Variants in ITGB3BP observed in about 807,000 individuals in gnomAD.
ITGB3BP encodes the protein integrin subunit beta 3 binding protein, also known as centromere protein R.
Under a neutral mutation model 29.1 loss-of-function variants are expected in ITGB3BP, and 27 were observed. The observed-to-expected ratio is 0.93, with a 90% CI of 0.68 to 1.28. The LOEUF (loss-of-function observed/expected upper bound fraction) is 1.28. ITGB3BP is among the 50% of genes most tolerant of loss of function. ITGB3BP has a pLI of 0.00. For missense variants in ITGB3BP, 192 were observed against 200.2 expected (o/e 0.96, Z 0.25); for synonymous variants, 61 against 61.4 (o/e 0.99, Z 0.03).
intron 4 of ITGB3BP, among the ~76,000 whole-genome samples, chr1:63,455,840 T>G (rs1034931342): frequency 6.6e-6 from 1 of 152,078 alleles, no homozygotes; most frequent in Non-Finnish European, 1.5e-5. Context: ...AAATTTTTAG[T>G]AGCCACACTA....
intron 8 of ITGB3BP, among the ~76,000 whole-genome samples, chr1:63,444,456 A>AAG (rs1485721678): frequency 1.2e-3 from 12 of 10,362 alleles, no homozygotes; most frequent in African/African-American, 7.8e-3. Context: ...CTATATATAT[A>AAG]TTACATATAG....
intron 4 of ITGB3BP, among the ~76,000 whole-genome samples, chr1:63,472,745 G>A (rs1326516221): frequency 1.3e-5 from 2 of 151,350 alleles, no homozygotes; most frequent in East Asian, 2.0e-4. Flanking sequence ...CCGAGGCGCC[G>A]GGATTGCAGA....
intron 8 of ITGB3BP, among the ~76,000 whole-genome samples, chr1:63,445,852 A>G (rs1644784814): frequency 6.6e-6 from 1 of 152,084 alleles, no homozygotes; most frequent in Non-Finnish European, 1.5e-5. Flanking sequence ...GGCCTCTCAC[A>G]GTGCTGGGAT....
chr1:63,464,459 G>A (rs1645068041), intron 4 of ITGB3BP, among the ~76,000 whole-genome samples: 1 of 152,108 alleles, frequency 6.6e-6, no homozygotes. Flanking sequence ...ATATGGAAAA[G>A]GGGAAGTCAA....
intron 3 of ITGB3BP, among the ~76,000 whole-genome samples, chr1:63,483,072 T>C (rs552269458): frequency 6.2e-4 from 94 of 152,266 alleles, no homozygotes; most frequent in African/African-American, 2.2e-3. Flanking sequence ...GCTGAGAAAA[T>C]TGAAATCACT....
chr1:63,513,941 C>T lies in ITGB3BP; in HGVS notation c.6-5371G>A, dbSNP rs182435922. Among the ~76,000 whole-genome samples, 350 of 152,236 alleles carry T rather than the reference C, an allele frequency of 2.3e-3. 2 individuals carry two copies. The highest frequency in any genetic ancestry group is 7.9e-3 in the African/African-American group (327 of 41,538). ...AGCACAAATATTAAGTGTATAGATG[C>T]GAGTTTTAACAAACATGTACTATAT... On this transcript the variant is annotated intron_variant, in intron 1 of 8. Transcript: ENST00000271002.
intron 4 of ITGB3BP, among the ~76,000 whole-genome samples, chr1:63,465,257 A>C (rs957965442): frequency 2.0e-5 from 3 of 152,160 alleles, no homozygotes; most frequent in African/African-American, 4.8e-5. Flanking sequence ...ACATGTGACA[A>C]AATGTTAACA....
At chr1:63,499,223 G>A (rs11808652) in intron 2 of ITGB3BP, among the ~76,000 whole-genome samples, 3,142 of 148,084 alleles carry the variant, frequency 0.021, 120 homozygotes, top group African/African-American at 0.074. Context: ...GGGCAATGGC[G>A]CGATCTCGGC....
At chr1:63,507,869 C>T (rs1408468588) in intron 2 of ITGB3BP, among the ~76,000 whole-genome samples, 2 of 152,120 alleles carry the variant, frequency 1.3e-5, no homozygotes, top group East Asian at 1.9e-4. Context: ...AATTTACCTG[C>T]ATTTAAGATT....
intron 4 of ITGB3BP, among the ~76,000 whole-genome samples, chr1:63,462,125 C>T (rs1645027347): frequency 6.6e-6 from 1 of 152,150 alleles, no homozygotes; most frequent in African/African-American, 2.4e-5. Flanking sequence ...GAATATCTTT[C>T]CTTTTATTTA....
chr1:63,450,845 G>A (rs540131244), intron 7 of ITGB3BP, among the ~76,000 whole-genome samples: 140 of 151,912 alleles, frequency 9.2e-4, no homozygotes, highest in African/African-American at 3.3e-3. Context: ...TCTCATCAAG[G>A]CATCCCCTGA....
At chr1:63,467,526 T>TGC (rs762248275) in intron 4 of ITGB3BP, among the ~76,000 whole-genome samples, 2,013 of 98,304 alleles carry the variant, frequency 0.02, 42 homozygotes, top group African/African-American at 0.09. Flanking sequence ...TGCTTGCTGA[T>TGC]TGATTGATTG....
rs966082839 is a variant in ITGB3BP at position 63,454,091 on chromosome 1, G to A, written c.428-117C>T. On this transcript the variant is annotated intron_variant, in intron 6 of 8. Transcript: ENST00000271002. The surrounding 1 kb of genome is among the most constrained non-coding windows in gnomAD (Gnocchi z 4.1). ...AATTCAAAATAATACATATTTATAA[G>A]TACCAAATATAAAATATAATACCTT... 3.4e-5 allele frequency: 19 copies of A among 562,506 alleles called. No individual in the cohort carries two copies. Among genetic ancestry groups the A allele is most frequent in the Middle Eastern group, 4.7e-4 (1 of 2,140 alleles). 34.8% of individuals were successfully genotyped at this position (562,506 alleles called of 1,614,324 possible). A position where few individuals can be genotyped will look rare whatever the true frequency, so the allele number is the denominator to read the frequency against.
At chr1:63,446,902 G>A in intron 7 of ITGB3BP, 46 bp from the exon 8 acceptor site, 1 of 1,212,228 alleles carries the variant, frequency 8.2e-7, no homozygotes, top group Non-Finnish European at 1.2e-6. Context: ...ACAATTCAAA[G>A]CAACTTGCCA....
At chr1:63,518,682 C>T (rs899936254) in intron 1 of ITGB3BP, among the ~76,000 whole-genome samples, 1 of 151,678 alleles carries the variant, frequency 6.6e-6, no homozygotes, top group Non-Finnish European at 1.5e-5. Flanking sequence ...ATATTCTCTA[C>T]CTTTTTCACT....
chr1:63,441,784 A>T (rs1429657041), intron 8 of ITGB3BP, among the ~76,000 whole-genome samples: 1 of 152,152 alleles, frequency 6.6e-6, no homozygotes, highest in Non-Finnish European at 1.5e-5. Flanking sequence ...ACAGATTCCT[A>T]TTCAGAATAT....
intron 3 of ITGB3BP, among the ~76,000 whole-genome samples, chr1:63,486,361 T>C (rs956552469): frequency 7.2e-5 from 11 of 152,004 alleles, no homozygotes; most frequent in African/African-American, 2.7e-4. Context: ...ATCCCCCATG[T>C]AGTCAAAAAT....
Position 63,453,913 on chromosome 1 carries a change from C to T in ITGB3BP, c.484+5G>A, listed in dbSNP as rs1462115898. 1 of 1,555,700 alleles carries T rather than the reference C, an allele frequency of 6.4e-7. No individual in the cohort carries two copies. The highest frequency in any genetic ancestry group is 1.1e-5 in the South Asian group (1 of 87,662). ...TATGTAATAAACTAAAACACAACTA[C>T]TTACCTTTGTGAGGAAGTCCTGTAC... On this transcript the variant is annotated splice_donor_5th_base_variant and intron_variant, in intron 7 of 8. Coordinates refer to ENST00000271002, the MANE Select transcript of ITGB3BP (RefSeq NM_014288.5).
chr1:63,501,696 A>G (rs1361467757), intron 2 of ITGB3BP, among the ~76,000 whole-genome samples: 2 of 152,024 alleles, frequency 1.3e-5, no homozygotes, highest in African/African-American at 2.4e-5. Context: ...AACTAAAAAA[A>G]AAATAGATAC....
Sources: gnomAD v4.1 joint callset for allele counts (sites outside exome capture counted in the v4.1 genomes callset) on GRCh38, gnomAD v4.1.1 for gene constraint, Gnocchi (gnomAD v3.1) non-coding constraint, MANE v1.5 for transcripts, NCBI Gene and HGNC (gene_info 2026-07-23, HGNC 2026-07-21) for gene names.